TLN2: variants seen among roughly 807,000 people sequenced by gnomAD.
The protein encoded by TLN2 is talin-2.
A neutral mutation model predicts 294.7 loss-of-function variants in TLN2; 118 were observed. The observed-to-expected ratio is 0.40, with a 90% CI of 0.34 to 0.47. TLN2 has a LOEUF of 0.47. Ranked by LOEUF, TLN2 falls within the 20% of genes least tolerant of loss-of-function variation. The pLI is 0.84. For missense variants in TLN2, 3,083 were observed against 3,282.2 expected, an observed-to-expected ratio of 0.94 and a Z score of 1.48; for synonymous variants, 1,431 against 1,304.5, an observed-to-expected ratio of 1.10 and a Z score of -2.09.
intron 25 of TLN2, among the ~76,000 whole-genome samples, chr15:62,721,269 A>G (rs2060131367): frequency 6.6e-6 from 1 of 152,246 alleles, no homozygotes; most frequent in South Asian, 2.1e-4. Context: ...ATCTAAATTT[A>G]CAACTTAGCA....
At chr15:62,423,356 G>A (rs1434050495) in intron 1 of TLN2, among the ~76,000 whole-genome samples, 1 of 152,122 alleles carries the variant, frequency 6.6e-6, no homozygotes, top group East Asian at 1.9e-4. Context: ...AGGTGATAGA[G>A]TGAGACCCTT....
Position 62,702,880 on chromosome 15 carries a change from G to C in TLN2, c.2004+16G>C, listed in dbSNP as rs1472544250. 1 of 1,610,972 alleles carries C rather than the reference G, an allele frequency of 6.2e-7. No homozygotes were observed. The highest frequency in any genetic ancestry group is 1.1e-5 in the South Asian group (1 of 91,004). ...GCGATTCCAGGTAAGATATTTGCAG[G>C]CTTATAGTCATGGAAAGAAGTCTAA... On this transcript the variant is annotated intron_variant, in intron 19 of 58. Transcript: ENST00000636159.
At chr15:62,420,329 A>G (rs564640213) in intron 1 of TLN2, among the ~76,000 whole-genome samples, 21 of 152,276 alleles carry the variant, frequency 1.4e-4, no homozygotes, top group African/African-American at 5.1e-4. Context: ...TTTTTCAAAA[A>G]TTGACATTAT....
chr15:62,648,545 ATTT>A (rs749151123), intron 4 of TLN2, among the ~76,000 whole-genome samples: 5 of 120,642 alleles, frequency 4.1e-5, no homozygotes, highest in African/African-American at 1.6e-4. Context: ...GATGATGACG[ATTT>A]TTTTTTTTTT....
At chr15:62,460,263 T>G (rs929968793) in intron 1 of TLN2, among the ~76,000 whole-genome samples, 1 of 151,410 alleles carries the variant, frequency 6.6e-6, no homozygotes, top group Non-Finnish European at 1.5e-5. Context: ...CCACATGGTT[T>G]TTTTTTTTTT....
At chr15:62,812,228 G>A (rs965932724) in intron 52 of TLN2, among the ~76,000 whole-genome samples, 1 of 152,076 alleles carries the variant, frequency 6.6e-6, no homozygotes, top group Non-Finnish European at 1.5e-5. Context: ...TTTGGGGGAA[G>A]GGAGGAGATA....
At position 62,701,957 on chromosome 15, in the gene TLN2, C is replaced by T. The variant is rs758592414; in HGVS notation, c.1697-35C>T. On this transcript the variant is annotated intron_variant, in intron 17 of 58. Transcript: ENST00000636159. Reference sequence around the variant, plus strand: ...GAAAATTCTCACCAGAACCATGTGCCCTCCTTTGATGGGGATGGTTCTTTT... The same window carrying T: ...GAAAATTCTCACCAGAACCATGTGCTCTCCTTTGATGGGGATGGTTCTTTT... 10 of 1,608,340 alleles carry T rather than the reference C, an allele frequency of 6.2e-6. No homozygotes were observed. The Admixed American group carries it at 6.7e-5, about 11-fold the overall frequency.
chr15:62,391,773 C>T (rs572413000), intron 1 of TLN2, among the ~76,000 whole-genome samples: 4 of 152,362 alleles, frequency 2.6e-5, no homozygotes, highest in African/African-American at 7.2e-5. Context: ...TCACGGACAG[C>T]GTGCTGGGCT....
chr15:62,459,984 G>T (rs925180568), intron 1 of TLN2, among the ~76,000 whole-genome samples: 1 of 152,186 alleles, frequency 6.6e-6, no homozygotes, highest in Non-Finnish European at 1.5e-5. Context: ...ACCCACGATT[G>T]TTACTCCCCC....
intron 21 of TLN2, among the ~76,000 whole-genome samples, chr15:62,709,209 C>A (rs554429751): frequency 2.0e-5 from 3 of 152,226 alleles, no homozygotes; most frequent in African/African-American, 7.2e-5. Flanking sequence ...GGGAGAGCAC[C>A]GGGGTGGTCA....
At chr15:62,451,843 A>G (rs75390910) in intron 1 of TLN2, among the ~76,000 whole-genome samples, 1,662 of 152,310 alleles carry the variant, frequency 0.011, 8 homozygotes, top group Non-Finnish European at 0.018. Context: ...TCAAGCCGCT[A>G]GAGTGCCCCA....
intron 28 of TLN2, among the ~76,000 whole-genome samples, chr15:62,734,614 C>T (rs1415756315): frequency 6.6e-6 from 1 of 152,252 alleles, no homozygotes; most frequent in East Asian, 1.9e-4. Context: ...TTTGTGCTTT[C>T]TCTTCTGGGC....
At position 62,711,214 on chromosome 15, in the gene TLN2, G is replaced by A. The variant is rs542580370; in HGVS notation, c.2468-697G>A. Among the ~76,000 whole-genome samples the A allele has an allele frequency of 2.0e-5, 3 of 152,290 alleles. No homozygotes were observed. In the South Asian group the frequency reaches 6.2e-4, roughly 32 times the overall value. On this transcript the variant is annotated intron_variant, in intron 21 of 58. Transcript: ENST00000636159. ...GATTTGAATCGTTCTATTTTTTAATGTTGGTTGTTATACTCCTCCTACTTC... is the reference window on the plus strand; with the variant it reads ...GATTTGAATCGTTCTATTTTTTAATATTGGTTGTTATACTCCTCCTACTTC...
intron 1 of TLN2, among the ~76,000 whole-genome samples, chr15:62,401,608 C>T (rs974622020): frequency 6.6e-6 from 1 of 152,146 alleles, no homozygotes. Flanking sequence ...TGGGTAAGTT[C>T]TCCATGTGAT....
chr15:62,504,749 A>C (rs182442031), intron 1 of TLN2, among the ~76,000 whole-genome samples: 1 of 152,020 alleles, frequency 6.6e-6, no homozygotes, highest in Admixed American at 6.5e-5. Flanking sequence ...TGTCAGTGCA[A>C]GGGAGGAGCC....
intron 2 of TLN2, among the ~76,000 whole-genome samples, chr15:62,610,215 C>T (rs1296168160): frequency 1.3e-5 from 2 of 152,140 alleles, no homozygotes; most frequent in Non-Finnish European, 2.9e-5. Flanking sequence ...TTAAGGAATT[C>T]CATTGATTGT....
At chr15:62,595,117 C>A (rs1322399320) in intron 2 of TLN2, among the ~76,000 whole-genome samples, 1 of 152,132 alleles carries the variant, frequency 6.6e-6, no homozygotes, top group Non-Finnish European at 1.5e-5. Context: ...GTTAGGATGG[C>A]TATCATCAAA....
intron 3 of TLN2, among the ~76,000 whole-genome samples, chr15:62,630,117 A>G (rs1011154599): frequency 1.6e-5 from 2 of 128,354 alleles, no homozygotes; most frequent in East Asian, 4.7e-4. Flanking sequence ...TGTCACAGGT[A>G]GCCTTTCTGT....
chr15:62,833,863 C>T (rs1399387601), intron 55 of TLN2: 11 of 466,106 alleles, frequency 2.4e-5, no homozygotes, highest in Non-Finnish European at 4.1e-5. Flanking sequence ...GCATCCCATT[C>T]CAGGCAGTGA....
Sources: gnomAD v4.1 joint callset for allele counts (sites outside exome capture counted in the v4.1 genomes callset) on GRCh38, gnomAD v4.1.1 for gene constraint, MANE v1.5 for transcripts, NCBI Gene and HGNC (gene_info 2026-07-23, HGNC 2026-07-21) for gene names.